The following TTLL5 variants were observed in gnomAD, a reference collection of about 807,000 sequenced individuals.
The protein encoded by TTLL5 is tubulin tyrosine ligase like 5.
In TTLL5, 132 loss-of-function variants were observed where a neutral mutation model predicts 168.4. The ratio of observed to expected loss-of-function variants is 0.78; its 90% CI spans 0.68 to 0.91. The LOEUF is 0.91. Among genes scored for constraint, TTLL5 ranks in the 40% least tolerant of loss-of-function variants. The probability of loss-of-function intolerance (pLI) is 0.00; values close to 1 mark genes in which losing one functional copy is unlikely to be tolerated. For synonymous variants in TTLL5, 546 were observed against 558.6 expected, an observed-to-expected ratio of 0.98 and a Z score of 0.32; for missense variants, 1,545 against 1,581.5, an observed-to-expected ratio of 0.98 and a Z score of 0.39.
chr14:75,871,991 C>T (rs552208667), intron 29 of TTLL5, among the ~76,000 whole-genome samples: 19 of 152,246 alleles, frequency 1.2e-4, no homozygotes, highest in Middle Eastern at 3.4e-3. Context: ...GATACAGACA[C>T]GTTAGGAGAA....
chr14:75,782,460 G>A (rs764689834), intron 24 of TTLL5, 27 bp from the exon 25 acceptor site: 1 of 1,585,856 alleles, frequency 6.3e-7, no homozygotes, highest in African/African-American at 1.3e-5. Flanking sequence ...TTATAAGAGA[G>A]TCCAAGCTCA....
intron 31 of TTLL5, among the ~76,000 whole-genome samples, chr14:75,946,364 A>G (rs1436285737): frequency 6.6e-6 from 1 of 152,248 alleles, no homozygotes; most frequent in African/African-American, 2.4e-5. Flanking sequence ...TGAATAAAGT[A>G]TTTAAAAAAA....
rs1338383270 is a variant in TTLL5 at position 75,843,886 on chromosome 14, T to TATTTTATTTTATTTC, written c.3327-19767_3327-19766insCATTTTATTTTATTT. On this transcript the variant is annotated intron_variant, in intron 28 of 31. Transcript: ENST00000298832. ...TGTTTTGTTTTGTTTTGTTTTATTT[T>TATTTTATTTTATTTC]ATTTTATTTTATTTTATTTTATTTT... is the stretch of plus-strand genomic sequence containing the variant. 3.9e-3 allele frequency among the ~76,000 whole-genome samples: 576 copies of TATTTTATTTTATTTC among 149,198 alleles called. 5 individuals are homozygous for TATTTTATTTTATTTC. The highest frequency in any genetic ancestry group is 5.8e-3 in the Non-Finnish European group (391 of 67,456).
intron 7 of TTLL5, among the ~76,000 whole-genome samples, chr14:75,699,986 G>A (rs1360005261): frequency 6.6e-6 from 1 of 152,082 alleles, no homozygotes; most frequent in Non-Finnish European, 1.5e-5. Context: ...TTTACATCAT[G>A]TCCCACCCTC....
chr14:75,737,560 T>G, intron 15 of TTLL5: 1 of 1,535,464 alleles, frequency 6.5e-7, no homozygotes, highest in Non-Finnish European at 8.7e-7. Context: ...TTTCTGTCTT[T>G]TATAGCGTCC....
chr14:75,694,849 A>G (rs1331142700), intron 6 of TTLL5, among the ~76,000 whole-genome samples: 3 of 152,148 alleles, frequency 2.0e-5, no homozygotes, highest in African/African-American at 4.8e-5. Context: ...GTGATTTCCT[A>G]TGTCTGTCTT....
At chr14:75,726,317 T>C (rs1270945395) in intron 12 of TTLL5, among the ~76,000 whole-genome samples, 2 of 152,230 alleles carry the variant, frequency 1.3e-5, no homozygotes. Context: ...ATTATAAATA[T>C]TTCAAGTGTT....
intron 31 of TTLL5, chr14:75,930,649 A>C (rs1011250178): frequency 1.0e-6 from 1 of 985,284 alleles, no homozygotes; most frequent in Non-Finnish European, 1.2e-6. Context: ...AGTGGGAGAT[A>C]AGTGACGGGG....
chr14:75,773,921 T>TAGAGAG lies in TTLL5; in HGVS notation c.2137-1562_2137-1561insGAGAGA, dbSNP rs1427081103. Among the ~76,000 whole-genome samples, 43 of 28,240 alleles carry TAGAGAG rather than the reference T, an allele frequency of 1.5e-3. 1 individual carries two copies. Among genetic ancestry groups the TAGAGAG allele is most frequent in the Admixed American group, 4.7e-3 (8 of 1,704 alleles). 18.5% of individuals were successfully genotyped at this position (28,240 alleles called of 152,430 possible). A position where few individuals can be genotyped will look rare whatever the true frequency, so the allele number is the denominator to read the frequency against. On this transcript the variant is annotated intron_variant, in intron 21 of 31. Coordinates refer to ENST00000298832, the MANE Select transcript of TTLL5 (RefSeq NM_015072.5). ...AAAAAAAAATACATATATATATATA[T>TAGAGAG]ATATATAGAGAGAGAGAGAGAGAGA...
chr14:75,839,614 G>A (rs1023269445), intron 28 of TTLL5, among the ~76,000 whole-genome samples: 1 of 152,174 alleles, frequency 6.6e-6, no homozygotes, highest in Non-Finnish European at 1.5e-5. Flanking sequence ...ATCAGATCTC[G>A]TGAGAACTCA....
At chr14:75,912,940 G>T (rs1477002160) in intron 31 of TTLL5, among the ~76,000 whole-genome samples, 1 of 152,206 alleles carries the variant, frequency 6.6e-6, no homozygotes, top group Non-Finnish European at 1.5e-5. Flanking sequence ...AAGTTTCCTT[G>T]TGGTCTTCGT....
chr14:75,703,166 T>C (rs937762044), intron 7 of TTLL5, among the ~76,000 whole-genome samples: 10 of 152,086 alleles, frequency 6.6e-5, no homozygotes, highest in African/African-American at 2.4e-4. Flanking sequence ...AGGCAGAGGG[T>C]CTGGGAGCAG....
chr14:75,833,731 C>A (rs1895712349), intron 28 of TTLL5, among the ~76,000 whole-genome samples: 2 of 152,148 alleles, frequency 1.3e-5, no homozygotes, highest in Admixed American at 1.3e-4. Context: ...TCTACCCTTA[C>A]CCATACCCAT....
At chr14:75,707,803 T>A in intron 9 of TTLL5, 96 bp downstream of exon 9, 1 of 1,077,300 alleles carries the variant, frequency 9.3e-7, no homozygotes, top group Non-Finnish European at 1.4e-6. Context: ...AATCAGATCA[T>A]GCTATTTTTA....
At chr14:75,848,283 T>C (rs1156451557) in intron 28 of TTLL5, among the ~76,000 whole-genome samples, 1 of 152,020 alleles carries the variant, frequency 6.6e-6, no homozygotes, top group Non-Finnish European at 1.5e-5. Context: ...GCTGTTTATG[T>C]GCACTAGGTT....
intron 31 of TTLL5, among the ~76,000 whole-genome samples, chr14:75,931,679 A>T (rs555783360): frequency 7.2e-5 from 11 of 152,158 alleles, no homozygotes; most frequent in Non-Finnish European, 1.3e-4. Flanking sequence ...GGATTGCCAA[A>T]GCCAGTCATG....
At chr14:75,953,089 A>G (rs1258517599) in intron 31 of TTLL5, among the ~76,000 whole-genome samples, 1 of 152,250 alleles carries the variant, frequency 6.6e-6, no homozygotes, top group Non-Finnish European at 1.5e-5. Context: ...AGCAAAAGGC[A>G]TATCCACACA....
chr14:75,808,673 C>G lies in TTLL5; in HGVS notation c.3172-11334C>G, dbSNP rs114529833. Among the ~76,000 whole-genome samples the G allele has an allele frequency of 2.7e-3, 412 of 152,214 alleles. 1 individual carries two copies. Among genetic ancestry groups the G allele is most frequent in the African/African-American group, 9.8e-3 (405 of 41,500 alleles). ...TCCTATTCAAGGATTACCTTTTGCT[C>G]TAGCAAAACAGGTGAAAACAGGAAC... On this transcript the variant is annotated intron_variant, in intron 27 of 31. Coordinates refer to ENST00000298832, the MANE Select transcript of TTLL5 (RefSeq NM_015072.5).
At position 75,934,522 on chromosome 14, in the gene TTLL5, G is replaced by A. The variant is rs117859983; in HGVS notation, c.3824-19902G>A. On this transcript the variant is annotated intron_variant, in intron 31 of 31. Coordinates refer to ENST00000298832, the MANE Select transcript of TTLL5 (RefSeq NM_015072.5). ...TTTAAGACAAGGTTTTCTGGGGGAC[G>A]AAGAACATTTTAATGGACTAGATTG... Among the ~76,000 whole-genome samples, 968 of 152,236 alleles carry A rather than the reference G, an allele frequency of 6.4e-3. 8 individuals are homozygous for A. Among genetic ancestry groups the A allele is most frequent in the Non-Finnish European group, 0.011 (735 of 68,026 alleles).
Sources: gnomAD v4.1 joint callset for allele counts (sites outside exome capture counted in the v4.1 genomes callset) on GRCh38, gnomAD v4.1.1 for gene constraint, MANE v1.5 for transcripts, NCBI Gene and HGNC (gene_info 2026-07-23, HGNC 2026-07-21) for gene names.